XXYLT1: variants seen among roughly 807,000 people sequenced by gnomAD.
The protein encoded by XXYLT1 is xyloside xylosyltransferase 1.
In XXYLT1, 20 loss-of-function variants were observed where a neutral mutation model predicts 28.9. The observed-to-expected ratio is 0.69, with a 90% confidence interval of 0.49 to 1.00. The LOEUF is 1.00. XXYLT1 is among the 50% of genes least tolerant of loss of function. The pLI, the probability that XXYLT1 is intolerant of heterozygous loss-of-function variation, is 0.00. For missense variants in XXYLT1, 542 were observed against 560.1 expected, an observed-to-expected ratio of 0.97 and a Z score of 0.33; for synonymous variants, 257 against 253.8, an observed-to-expected ratio of 1.01 and a Z score of -0.12.
At chr3:195,153,592 G>A (rs867916456) in intron 3 of XXYLT1, among the ~76,000 whole-genome samples, 4 of 152,168 alleles carry the variant, frequency 2.6e-5, no homozygotes, top group Admixed American at 6.5e-5. Context: ...AAGATGCTCA[G>A]GGTTAGAAAA....
intron 2 of XXYLT1, among the ~76,000 whole-genome samples, chr3:195,223,879 G>A (rs989319806): frequency 3.3e-5 from 5 of 152,164 alleles, no homozygotes; most frequent in African/African-American, 9.7e-5. Flanking sequence ...AATTGCTGCC[G>A]GGCGCGGTGG....
intron 2 of XXYLT1, among the ~76,000 whole-genome samples, chr3:195,182,064 T>G (rs1721978895): frequency 6.6e-6 from 1 of 152,220 alleles, no homozygotes; most frequent in South Asian, 2.1e-4. Flanking sequence ...GCATATTTAC[T>G]CATTCACTCA....
chr3:195,133,309 G>A lies in XXYLT1; in HGVS notation c.785+23140C>T, dbSNP rs115191170. Among the ~76,000 whole-genome samples, 1,893 of 152,216 alleles carry A rather than the reference G, an allele frequency of 0.012. 34 individuals carry two copies. The highest frequency in any genetic ancestry group is 0.042 in the African/African-American group (1,732 of 41,516). On this transcript the variant is annotated intron_variant, in intron 3 of 3. Transcript: ENST00000310380. This position sits in a 1 kb window ranked among gnomAD's most constrained non-coding sequence, Gnocchi z 4.4. ...CCCTGGAGTACCAGCAGCTGACATC[G>A]GCAGGTGGATAACTGAGCCAGCCCT...
intron 3 of XXYLT1, among the ~76,000 whole-genome samples, chr3:195,096,879 G>A (rs115383887): frequency 4.1e-4 from 62 of 152,334 alleles, no homozygotes; most frequent in African/African-American, 1.4e-3. Context: ...CTTCCAAATT[G>A]AGATAGAATG....
chr3:195,102,083 AGGGAG>A (rs1211228901), intron 3 of XXYLT1, among the ~76,000 whole-genome samples: 33 of 98,664 alleles, frequency 3.3e-4, no homozygotes, highest in African/African-American at 1.1e-3. Context: ...GGGAAGGGAA[AGGGAG>A]GGGAGGGGAG....
rs1714704487 is a variant in XXYLT1 at position 195,069,966 on chromosome 3, C to A, written c.931G>T (p.Glu311Ter). The A allele has an allele frequency of 6.2e-7, 1 of 1,611,512 alleles. No homozygotes were observed. The highest frequency in any genetic ancestry group is 8.5e-7 in the Non-Finnish European group (1 of 1,179,702). The change falls in exon 4 of 4, where the codon GAG (glutamate) becomes TAG (stop). Residue 311 changes from glutamate (E) to a stop codon, truncating the protein, a stop_gained. Transcript: ENST00000310380. LOFTEE classifies it high-confidence loss of function. ...RQSPLYSRLL[E>*]PAQVQQLADK... ...GCCAGCTGCTGCACCTGCGCCGGCT[C>A]CAGCAGGCGGCTGTAGAGCGGGGAC...
intron 1 of XXYLT1, 39 bp from the exon 2 acceptor site, chr3:195,226,895 A>T (rs1164536964): frequency 2.5e-6 from 4 of 1,604,600 alleles, no homozygotes; most frequent in Non-Finnish European, 3.4e-6. Context: ...TCAGCAAACC[A>T]GTTCTCACTG....
At chr3:195,183,809 C>T (rs1055022624) in intron 2 of XXYLT1, among the ~76,000 whole-genome samples, 4 of 152,168 alleles carry the variant, frequency 2.6e-5, no homozygotes, top group Non-Finnish European at 5.9e-5. Flanking sequence ...CCAACTAGGA[C>T]TCTACCCCTC....
intron 3 of XXYLT1, among the ~76,000 whole-genome samples, chr3:195,113,467 TAGG>T (rs990591071): frequency 1.8e-4 from 28 of 152,246 alleles, no homozygotes; most frequent in Middle Eastern, 3.4e-3. Context: ...ATCCTTAACA[TAGG>T]GGGAAACTGA....
chr3:195,069,936 T>C lies in XXYLT1; in HGVS notation c.961A>G (p.Lys321Glu), dbSNP rs201238998. 1.4e-4 allele frequency: 223 copies of C among 1,613,044 alleles called. No homozygotes were observed. The highest frequency in any genetic ancestry group is 1.8e-4 in the Admixed American group (11 of 60,000). Residue 321 changes from lysine (K) to glutamate (E), a missense_variant, in exon 4 of 4, where the codon AAG (lysine) becomes GAG (glutamate). Transcript: ENST00000310380. ...EPAQVQQLAD[K>E]YHFRGHLGDQ... The stretch of plus-strand genomic sequence containing the variant: ...CCGAGGTGGCCGCGGAAGTGGTACT[T>C]GTCGGCCAGCTGCTGCACCTGCGCC...
chr3:195,104,198 C>CGTGTGTGTGTGT (rs59361512), intron 3 of XXYLT1, among the ~76,000 whole-genome samples: 50 of 142,072 alleles, frequency 3.5e-4, no homozygotes, highest in African/African-American at 1.2e-3. Flanking sequence ...ATGAGGGCTC[C>CGTGTGTGTGTGT]GTGTGTGTGT....
At chr3:195,127,351 G>A (rs190959430) in intron 3 of XXYLT1, among the ~76,000 whole-genome samples, 2,925 of 152,230 alleles carry the variant, frequency 0.019, 97 homozygotes, top group African/African-American at 0.067. Context: ...GGGTGCCATG[G>A]ACTTGCTAAA....
chr3:195,155,370 C>T (rs940339187), intron 3 of XXYLT1, among the ~76,000 whole-genome samples: 4 of 152,174 alleles, frequency 2.6e-5, no homozygotes, highest in Admixed American at 1.3e-4. Flanking sequence ...GGCATGCCTG[C>T]GGGACAGCAA....
chr3:195,138,993 G>A (rs1279920594), intron 3 of XXYLT1, among the ~76,000 whole-genome samples: 1 of 152,172 alleles, frequency 6.6e-6, no homozygotes, highest in African/African-American at 2.4e-5. Flanking sequence ...ACACCTGTGT[G>A]GGCAACAGCC....
At chr3:195,120,720 G>C (rs1718311492) in intron 3 of XXYLT1, among the ~76,000 whole-genome samples, 1 of 152,198 alleles carries the variant, frequency 6.6e-6, no homozygotes, top group African/African-American at 2.4e-5. Flanking sequence ...TCAGAGTCAG[G>C]ATTTCCCTTC....
chr3:195,109,593 CGTGT>C, intron 3 of XXYLT1, among the ~76,000 whole-genome samples: 1 of 130,838 alleles, frequency 7.6e-6, no homozygotes, highest in South Asian at 2.6e-4. Flanking sequence ...TATGAGTGCA[CGTGT>C]GTGTGGTGTG....
intron 3 of XXYLT1, among the ~76,000 whole-genome samples, chr3:195,072,331 G>A (rs1030540957): frequency 2.0e-5 from 3 of 152,114 alleles, no homozygotes; most frequent in African/African-American, 4.8e-5. Context: ...CTTTTTAAAC[G>A]GCTTTACTCC....
chr3:195,237,990 T>C lies in XXYLT1; in HGVS notation c.505-11134A>G, dbSNP rs191633926. The stretch of plus-strand genomic sequence containing the variant: ...ACCTCCTACCTTCCCCACTGCCCCA[T>C]TCTGTTATACCTCCAGAATTGTTTT... On this transcript the variant is annotated intron_variant, in intron 1 of 3. Coordinates refer to ENST00000310380, the MANE Select transcript of XXYLT1 (RefSeq NM_152531.5). 1.1e-4 allele frequency among the ~76,000 whole-genome samples: 17 copies of C among 152,098 alleles called. No individual in the cohort carries two copies. The East Asian group carries it at 3.1e-3, about 28-fold the overall frequency.
At position 195,112,930 on chromosome 3, in the gene XXYLT1, C is replaced by T. The variant is rs995551432; in HGVS notation, c.786-42819G>A. Among the ~76,000 whole-genome samples the T allele has an allele frequency of 2.0e-5, 3 of 152,252 alleles. No homozygotes were observed. In the East Asian group the frequency reaches 5.8e-4, roughly 29 times the overall value. On this transcript the variant is annotated intron_variant, in intron 3 of 3. Transcript: ENST00000310380. Reference sequence around the variant, plus strand: ...CTCCAGCCCCAGGTGGTGGGAACAGCTGGATGAAGCAGTCAAGAGAACATG... The same window carrying T: ...CTCCAGCCCCAGGTGGTGGGAACAGTTGGATGAAGCAGTCAAGAGAACATG...
Sources: gnomAD v4.1 joint callset for allele counts (sites outside exome capture counted in the v4.1 genomes callset) on GRCh38, gnomAD v4.1.1 for gene constraint, Gnocchi (gnomAD v3.1) non-coding constraint, MANE v1.5 for transcripts, NCBI Gene and HGNC (gene_info 2026-07-23, HGNC 2026-07-21) for gene names.